ESYT2: variants seen among roughly 807,000 people sequenced by gnomAD.
The protein encoded by ESYT2 is extended synaptotagmin 2.
In ESYT2, 54 loss-of-function variants were observed where a neutral mutation model predicts 107.2. The observed-to-expected ratio is 0.50, with a 90% confidence interval of 0.40 to 0.63. The LOEUF is 0.63. Among genes scored for constraint, ESYT2 ranks in the 30% least tolerant of loss-of-function variants. ESYT2 has a pLI of 0.00. For missense variants in ESYT2, 1,020 were observed against 1,094.5 expected, an observed-to-expected ratio of 0.93 and a Z score of 0.96; for synonymous variants, 491 against 434.1, an observed-to-expected ratio of 1.13 and a Z score of -1.63.
At chr7:158,736,667 T>C (rs376064613) in intron 20 of ESYT2, among the ~76,000 whole-genome samples, 10 of 152,342 alleles carry the variant, frequency 6.6e-5, no homozygotes, top group African/African-American at 1.2e-4. Flanking sequence ...GGTAAGATGT[T>C]TGGGGCTTAC....
At chr7:158,809,623 C>T (rs1405477565) in intron 1 of ESYT2, among the ~76,000 whole-genome samples, 1 of 152,020 alleles carries the variant, frequency 6.6e-6, no homozygotes, top group East Asian at 1.9e-4. Context: ...ATCAAAATCA[C>T]AATGAGGTAT....
intron 1 of ESYT2, among the ~76,000 whole-genome samples, chr7:158,806,017 C>G (rs1413682491): frequency 6.6e-6 from 1 of 152,100 alleles, no homozygotes; most frequent in African/African-American, 2.4e-5. Context: ...CCCAGGGACA[C>G]AGGGCTCTTT....
intron 6 of ESYT2, among the ~76,000 whole-genome samples, chr7:158,780,800 C>A (rs1280594353): frequency 6.6e-6 from 1 of 152,174 alleles, no homozygotes; most frequent in Non-Finnish European, 1.5e-5. Flanking sequence ...AGGCACCAGG[C>A]AAAGGGGTCC....
At chr7:158,768,568 C>T (rs1256414805) in intron 7 of ESYT2, among the ~76,000 whole-genome samples, 1 of 152,118 alleles carries the variant, frequency 6.6e-6, no homozygotes, top group African/African-American at 2.4e-5. Flanking sequence ...TACAGGCGCG[C>T]ACCACCACGC....
At chr7:158,802,968 G>A (rs542533192) in intron 1 of ESYT2, among the ~76,000 whole-genome samples, 1 of 152,200 alleles carries the variant, frequency 6.6e-6, no homozygotes, top group African/African-American at 2.4e-5. Flanking sequence ...TAACCCTTTA[G>A]GCACTATTTT....
chr7:158,814,864 G>A (rs1189220), intron 1 of ESYT2, among the ~76,000 whole-genome samples: 145,942 of 152,250 alleles, frequency 0.96, 70,004 homozygotes, highest in African/African-American at 0.99. Flanking sequence ...GAAATGACAT[G>A]CAATTCTCTT....
intron 16 of ESYT2, chr7:158,743,966 C>G (rs140540094): frequency 4.8e-4 from 124 of 259,616 alleles, no homozygotes; most frequent in African/African-American, 2.8e-3. Flanking sequence ...CCCAGCCACT[C>G]AAGAGGCTGA....
rs1563033087 is a variant in ESYT2 at position 158,806,136 on chromosome 7, C to CGGGGCACACCGCGTGGGAGGCGCT, written c.331-7065_331-7064insAGCGCCTCCCACGCGGTGTGCCCC. ...CCGGGGCACACCGCGTGGGAGGTGC[C>CGGGGCACACCGCGTGGGAGGCGCT]GGGGCACACCGCGTAGGAGGCGCTG... On this transcript the variant is annotated intron_variant, in intron 1 of 22. Coordinates refer to ENST00000275418, the MANE Select transcript of ESYT2 (RefSeq NM_001367773.1). Among the ~76,000 whole-genome samples the CGGGGCACACCGCGTGGGAGGCGCT allele has an allele frequency of 1.0e-3, 149 of 147,862 alleles. 3 individuals are homozygous for CGGGGCACACCGCGTGGGAGGCGCT. Among genetic ancestry groups the CGGGGCACACCGCGTGGGAGGCGCT allele is most frequent in the African/African-American group, 3.7e-3 (143 of 38,710 alleles).
intron 13 of ESYT2, among the ~76,000 whole-genome samples, 193 bp from the exon 14 acceptor site, chr7:158,753,036 C>A (rs985638024): frequency 6.6e-6 from 1 of 152,194 alleles, no homozygotes; most frequent in South Asian, 2.1e-4. Flanking sequence ...TTAGAATGAA[C>A]CTTTAATCTA....
In ESYT2 at chr7:158,735,596, A is replaced by G; in HGVS notation, c.2412T>C (p.Ser804=). ...TCCTCTGCACTTCTGGTAACGAAAC[A>G]CTGAAATCAAAGCTGAAATAGGAAA... ...NPVFDQSFDF[S]VSLPEVQRRT... The change falls in exon 21 of 23, where the codon AGT becomes AGC. Residue 804 remains serine (S), a synonymous_variant. Coordinates refer to ENST00000275418, the MANE Select transcript of ESYT2 (RefSeq NM_001367773.1). 1.2e-6 allele frequency: 2 copies of G among 1,613,726 alleles called. No individual in the cohort carries two copies. The highest frequency in any genetic ancestry group is 1.7e-6 in the Non-Finnish European group (2 of 1,179,674).
intron 17 of ESYT2, 140 bp downstream of exon 17, chr7:158,743,389 G>C: frequency 9.7e-7 from 1 of 1,033,360 alleles, no homozygotes; most frequent in Non-Finnish European, 1.4e-6. Context: ...TCTCCTCCCT[G>C]CACCGGCGCC....
rs533800651 is a variant in ESYT2 at position 158,810,355 on chromosome 7, A to T, written c.331-11283T>A. ...AATTATTTGTCAATACAAGAAATGA[A>T]ACACTAATATATGTTACACTATCTA... On this transcript the variant is annotated intron_variant, in intron 1 of 22. Transcript: ENST00000275418. 6.6e-5 allele frequency among the ~76,000 whole-genome samples: 10 copies of T among 152,358 alleles called. 1 individual carries two copies. In the South Asian group the frequency reaches 1.9e-3, roughly 28 times the overall value.
Position 158,819,578 on chromosome 7 carries a change from CA to C in ESYT2, c.330+9510del, listed in dbSNP as rs558776930. Among the ~76,000 whole-genome samples the C allele has an allele frequency of 1.2e-3, 181 of 152,278 alleles. 1 individual carries two copies. The highest frequency in any genetic ancestry group is 2.3e-3 in the Non-Finnish European group (154 of 68,012). On this transcript the variant is annotated intron_variant, in intron 1 of 22. Transcript: ENST00000275418. ...TACTATACACACCCATATATCCAAA[CA>C]TATCATTAAAACATTAACAAAATCC...
chr7:158,756,317 A>C (rs1195503257), intron 13 of ESYT2, among the ~76,000 whole-genome samples: 1 of 152,230 alleles, frequency 6.6e-6, no homozygotes, highest in Non-Finnish European at 1.5e-5. Context: ...AGCACAGAGA[A>C]CAGCACAGGT....
chr7:158,821,988 C>T (rs1482791222), intron 1 of ESYT2, among the ~76,000 whole-genome samples: 1 of 152,160 alleles, frequency 6.6e-6, no homozygotes, highest in Non-Finnish European at 1.5e-5. Context: ...GGAGCCATCA[C>T]CACAGCCCGC....
At chr7:158,780,346 CA>C (rs1838730107) in intron 6 of ESYT2, among the ~76,000 whole-genome samples, 1 of 152,190 alleles carries the variant, frequency 6.6e-6, no homozygotes, top group Non-Finnish European at 1.5e-5. Context: ...TCGCCACTAT[CA>C]AGGACTAGCA....
At chr7:158,823,966 GATA>G (rs757775662) in intron 1 of ESYT2, among the ~76,000 whole-genome samples, 56 of 152,104 alleles carry the variant, frequency 3.7e-4, no homozygotes, top group Admixed American at 3.9e-4. Context: ...AATGTAGAAT[GATA>G]ATAATATTAA....
chr7:158,785,076 A>G (rs1238127879), intron 6 of ESYT2, among the ~76,000 whole-genome samples: 1 of 152,194 alleles, frequency 6.6e-6, no homozygotes. Context: ...GCAAACACCA[A>G]TTGGTTGAGT....
Position 158,731,955 on chromosome 7 carries a change from G to A in ESYT2, c.*2252C>T, listed in dbSNP as rs757059404. 3.9e-5 allele frequency: 6 copies of A among 152,140 alleles called. No homozygotes were observed. Among genetic ancestry groups the A allele is most frequent in the Non-Finnish European group, 8.8e-5 (6 of 68,048 alleles). 9.4% of individuals were successfully genotyped at this position (152,140 alleles called of 1,614,324 possible). A position where few individuals can be genotyped will look rare whatever the true frequency, so the allele number is the denominator to read the frequency against. The stretch of plus-strand genomic sequence containing the variant: ...CTTTTTTTAAAAGAGAATGGAGGCA[G>A]CTACTGGAGGCCAAGCACCTCCAGG... On this transcript the variant is annotated 3_prime_UTR_variant, in exon 23 of 23. Coordinates refer to ENST00000275418, the MANE Select transcript of ESYT2 (RefSeq NM_001367773.1).
Sources: allele counts gnomAD v4.1 joint callset (sites outside exome capture counted in the v4.1 genomes callset), GRCh38; gene constraint gnomAD v4.1.1; transcripts MANE v1.5; gene names NCBI Gene and HGNC (gene_info 2026-07-23, HGNC 2026-07-21).